The following ITGBL1 variants were observed in gnomAD, a reference collection of about 807,000 sequenced individuals.
ITGBL1 encodes the protein integrin subunit beta like 1, also known as integrin beta-like protein 1.
In ITGBL1, 51 loss-of-function variants were observed where a neutral mutation model predicts 68.5. The observed-to-expected ratio is 0.74, with a 90% confidence interval of 0.59 to 0.94. The LOEUF (loss-of-function observed/expected upper bound fraction) is 0.94. ITGBL1 is among the 40% of genes least tolerant of loss of function. ITGBL1 has a pLI of 0.00. For missense variants in ITGBL1, 649 were observed against 647.4 expected, an observed-to-expected ratio of 1.00 and a Z score of -0.03; for synonymous variants, 209 against 227.3, an observed-to-expected ratio of 0.92 and a Z score of 0.72.
chr13:101,681,682 A>G (rs2033646153), intron 7 of ITGBL1, among the ~76,000 whole-genome samples: 1 of 152,174 alleles, frequency 6.6e-6, no homozygotes, highest in African/African-American at 2.4e-5. Flanking sequence ...AGGAGATGTC[A>G]AAGTCTAAGG....
At chr13:101,553,721 C>G (rs773059056) in intron 2 of ITGBL1, among the ~76,000 whole-genome samples, 5 of 151,650 alleles carry the variant, frequency 3.3e-5, no homozygotes, top group Non-Finnish European at 2.9e-5. Context: ...CACATTGCCC[C>G]GATCCCTGCC....
intron 2 of ITGBL1, among the ~76,000 whole-genome samples, chr13:101,548,984 T>A (rs1369208178): frequency 6.6e-6 from 1 of 151,872 alleles, no homozygotes; most frequent in Non-Finnish European, 1.5e-5. Context: ...AATTATTTTT[T>A]AAAAATACAT....
intron 2 of ITGBL1, among the ~76,000 whole-genome samples, chr13:101,492,293 A>G (rs2048791079): frequency 6.6e-6 from 1 of 152,154 alleles, no homozygotes; most frequent in African/African-American, 2.4e-5. Flanking sequence ...TTGAAAGTTC[A>G]AAGGCGTTAA....
intron 7 of ITGBL1, among the ~76,000 whole-genome samples, chr13:101,603,027 C>T (rs1179421837): frequency 6.6e-6 from 1 of 151,956 alleles, no homozygotes; most frequent in Non-Finnish European, 1.5e-5. Context: ...ATGAATAATG[C>T]TGCTACAAAC....
At chr13:101,562,366 C>A (rs1460866313) in intron 2 of ITGBL1, among the ~76,000 whole-genome samples, 1 of 151,982 alleles carries the variant, frequency 6.6e-6, no homozygotes, top group Non-Finnish European at 1.5e-5. Context: ...TAAATGTGAT[C>A]TCTTTAAACT....
At chr13:101,485,599 TC>T (rs1323111085) in intron 2 of ITGBL1, among the ~76,000 whole-genome samples, 3 of 151,982 alleles carry the variant, frequency 2.0e-5, no homozygotes, top group Non-Finnish European at 4.4e-5. Context: ...GGTCAGGAGA[TC>T]GAGACCACAG....
chr13:101,712,010 C>T (rs1594002074), intron 9 of ITGBL1: 1 of 152,310 alleles, frequency 6.6e-6, no homozygotes, highest in East Asian at 1.9e-4. Context: ...TCTGATGGAA[C>T]CCTCTCCCTG....
chr13:101,572,251 G>A (rs568858531), intron 3 of ITGBL1, among the ~76,000 whole-genome samples: 2 of 152,106 alleles, frequency 1.3e-5, no homozygotes, highest in South Asian at 2.1e-4. Context: ...ATATCACAGT[G>A]TGGTTTTCTG....
intron 2 of ITGBL1, among the ~76,000 whole-genome samples, chr13:101,471,568 GTA>G (rs148373767): frequency 0.048 from 6,901 of 144,692 alleles, 199 homozygotes; most frequent in South Asian, 0.11. Flanking sequence ...GTGTGTGTGT[GTA>G]TATATATTTC....
At chr13:101,564,118 T>A (rs1455961319) in intron 2 of ITGBL1, among the ~76,000 whole-genome samples, 1 of 151,908 alleles carries the variant, frequency 6.6e-6, no homozygotes, top group Non-Finnish European at 1.5e-5. Context: ...CTGTGCAAGC[T>A]TTTTTGCTGA....
chr13:101,491,736 A>G (rs1188825114), intron 2 of ITGBL1, among the ~76,000 whole-genome samples: 1 of 152,098 alleles, frequency 6.6e-6, no homozygotes, highest in African/African-American at 2.4e-5. Context: ...TTAACTCGTC[A>G]TCTGCGTTAG....
At chr13:101,453,228 T>C (rs1343033260) in intron 1 of ITGBL1, among the ~76,000 whole-genome samples, 2 of 152,226 alleles carry the variant, frequency 1.3e-5, no homozygotes, top group Non-Finnish European at 2.9e-5. Flanking sequence ...TACCAGTATC[T>C]TCTCACAACA....
chr13:101,469,743 C>T (rs2048431982), intron 2 of ITGBL1, among the ~76,000 whole-genome samples: 1 of 152,072 alleles, frequency 6.6e-6, no homozygotes. Context: ...TATTTTAAGA[C>T]CTATGAGTGG....
intron 2 of ITGBL1, among the ~76,000 whole-genome samples, chr13:101,456,802 C>T (rs1489041634): frequency 6.6e-6 from 1 of 152,196 alleles, no homozygotes. Context: ...GTAATCCCAG[C>T]TACTTGGAAG....
intron 10 of ITGBL1, 101 bp from the exon 11 acceptor site, chr13:101,715,462 A>T: frequency 2.4e-6 from 2 of 834,542 alleles, no homozygotes; most frequent in East Asian, 4.9e-5. Context: ...ACCAAGGATG[A>T]ATGAAATGAT....
intron 6 of ITGBL1, among the ~76,000 whole-genome samples, chr13:101,596,599 A>C (rs1043932041): frequency 1.3e-5 from 2 of 152,210 alleles, no homozygotes; most frequent in African/African-American, 4.8e-5. Context: ...TTGGGGAAGA[A>C]AAGAGCGACC....
intron 2 of ITGBL1, among the ~76,000 whole-genome samples, chr13:101,480,783 T>A (rs909925008): frequency 6.6e-6 from 1 of 151,948 alleles, no homozygotes; most frequent in African/African-American, 2.4e-5. Context: ...ACAAAGTGCT[T>A]TATATGTGAG....
At chr13:101,709,386 A>AAAG (rs2034353710) in intron 9 of ITGBL1, among the ~76,000 whole-genome samples, 1 of 149,272 alleles carries the variant, frequency 6.7e-6, no homozygotes, top group Non-Finnish European at 1.5e-5. Flanking sequence ...AAAAAAAAAA[A>AAAG]AAAAAAAAAA....
intron 7 of ITGBL1, among the ~76,000 whole-genome samples, chr13:101,640,397 T>C (rs2032321172): frequency 6.6e-6 from 1 of 152,162 alleles, no homozygotes. Flanking sequence ...GAATACAATG[T>C]CCCAGACCAC....
Sources: gnomAD v4.1 joint callset for allele counts (sites outside exome capture counted in the v4.1 genomes callset) on GRCh38, gnomAD v4.1.1 for gene constraint, MANE v1.5 for transcripts, NCBI Gene and HGNC (gene_info 2026-07-23, HGNC 2026-07-21) for gene names.